MRNIP: variants seen among roughly 807,000 people sequenced by gnomAD.
MRNIP encodes MRN complex-interacting protein.
In MRNIP, 30 loss-of-function variants were observed where a neutral mutation model predicts 29.8. The observed-to-expected ratio is 1.01, with a 90% CI of 0.75 to 1.36. The LOEUF (loss-of-function observed/expected upper bound fraction) is 1.36, where lower values mean the gene tolerates loss of function less well. Among genes scored for constraint, MRNIP ranks in the 40% most tolerant of loss-of-function variants. The pLI is 0.00. For synonymous variants in MRNIP, 201 were observed against 164.1 expected (o/e 1.23, Z -1.72); for missense variants, 459 against 423.5 (o/e 1.08, Z -0.74).
At position 179,844,147 on chromosome 5, in the gene MRNIP, C is replaced by T; in HGVS notation, c.291+5G>A. 6.2e-7 allele frequency: 1 copy of T among 1,613,920 alleles called. No individual in the cohort carries two copies. Among genetic ancestry groups the T allele is most frequent in the Non-Finnish European group, 8.5e-7 (1 of 1,179,828 alleles). On this transcript the variant is annotated splice_donor_5th_base_variant and intron_variant, in intron 4 of 6. Transcript: ENST00000292586. ...CAGCCTGGGGCAGGTGGGCCTGAGG[C>T]TTACCTGCTGCTTCACATTCCCAGC...
In MRNIP at chr5:179,837,580, G is replaced by T; in HGVS notation, c.843C>A (p.Ala281=). 1 of 1,614,164 alleles carries T rather than the reference G, an allele frequency of 6.2e-7. No homozygotes were observed. The highest frequency in any genetic ancestry group is 2.2e-5 in the East Asian group (1 of 44,896). Reference sequence around the variant, plus strand: ...GTGTGGCCCGAGGAAGCTGGACAGCGGCAGTGGGCCTGCTGAGGCCTTCTC... The same window carrying T: ...GTGTGGCCCGAGGAAGCTGGACAGCTGCAGTGGGCCTGCTGAGGCCTTCTC... The part of the protein sequence containing the change: ...ASREGLSRPT[A]AVQLPRATHP... The change falls in exon 7 of 7, where the codon GCC becomes GCA. Residue 281 remains alanine (A), a synonymous_variant. Transcript: ENST00000292586.
chr5:179,848,894 A>G (rs986634033), intron 2 of MRNIP, among the ~76,000 whole-genome samples: 30 of 152,210 alleles, frequency 2.0e-4, no homozygotes, highest in Non-Finnish European at 3.8e-4. Context: ...TTTTGGAGGA[A>G]CAGCAAAGAG....
intron 2 of MRNIP, among the ~76,000 whole-genome samples, chr5:179,852,126 C>CA (rs1213129249): frequency 2.6e-5 from 4 of 151,530 alleles, no homozygotes; most frequent in African/African-American, 9.7e-5. Context: ...ATTAAACATA[C>CA]AAAAAACAAA....
chr5:179,853,593 G>A (rs1286514154), intron 1 of MRNIP, among the ~76,000 whole-genome samples, 156 bp from the exon 2 acceptor site: 1 of 152,136 alleles, frequency 6.6e-6, no homozygotes, highest in Non-Finnish European at 1.5e-5. Context: ...CCAATATGGT[G>A]AAACCCAGTC....
chr5:179,837,423 TAA>T lies in MRNIP; in HGVS notation c.998_999del (p.Phe333TyrfsTer8). On this transcript the variant is annotated frameshift_variant, in exon 7 of 7. Coordinates refer to ENST00000292586, the MANE Select transcript of MRNIP (RefSeq NM_016175.4). LOFTEE classifies it high-confidence loss of function. The stretch of plus-strand genomic sequence containing the variant: ...TCATCATCGAAGTCTTCCCCAGTTA[TAA>T]AGAGGTCACATAGTCGTGTGGGTCG... Reference protein sequence around the residue: ...NPRPTRLCDLFITGEDFDDDV With the variant: ...NPRPTRLCDLXITGEDFDDDV 2 of 1,603,816 alleles carry T rather than the reference TAA, an allele frequency of 1.2e-6. No individual in the cohort carries two copies. The highest frequency in any genetic ancestry group is 1.1e-5 in the South Asian group (1 of 90,144).
intron 6 of MRNIP, chr5:179,839,506 T>C (rs940067833): frequency 1.3e-5 from 2 of 152,264 alleles, no homozygotes; most frequent in African/African-American, 4.8e-5. Context: ...CATTACAACA[T>C]GCAGCCCAGG....
chr5:179,849,165 T>C (rs1398850440), intron 2 of MRNIP, among the ~76,000 whole-genome samples: 47 of 74,140 alleles, frequency 6.3e-4, no homozygotes, highest in Admixed American at 1.2e-3. Context: ...AATTTGAGAG[T>C]ACGGGTCCTG....
intron 3 of MRNIP, chr5:179,847,186 T>C (rs983690915): frequency 2.2e-5 from 3 of 138,574 alleles, no homozygotes; most frequent in South Asian, 4.4e-4. Context: ...TTTTTTTTTT[T>C]TGAGATAGTC....
chr5:179,850,583 G>A (rs1482901842), intron 2 of MRNIP, among the ~76,000 whole-genome samples: 1 of 152,158 alleles, frequency 6.6e-6, no homozygotes, highest in Non-Finnish European at 1.5e-5. Flanking sequence ...CACTGCTGAC[G>A]CTGACAGAAG....
chr5:179,843,797 T>C (rs1759013380), intron 4 of MRNIP, among the ~76,000 whole-genome samples: 1 of 151,990 alleles, frequency 6.6e-6, no homozygotes, highest in Non-Finnish European at 1.5e-5. Context: ...CAAGGAAAGA[T>C]GGAAACCCAG....
Position 179,853,378 on chromosome 5 carries a change from C to A in MRNIP, c.126G>T (p.Gln42His). Reference sequence around the variant, plus strand: ...TTGCTTTCTGTTTTGTAGGACTCACCTGCAAAAAGGACTGCTTCTCTCCAC... The same window carrying A: ...TTGCTTTCTGTTTTGTAGGACTCACATGCAAAAAGGACTGCTTCTCTCCAC... ...KACGEKQSFL[Q>H]AYGEGSGADC... Residue 42 changes from glutamine (Q) to histidine (H), a missense_variant and splice_region_variant, in exon 2 of 7, where the codon CAG (glutamine) becomes CAT (histidine). Coordinates refer to ENST00000292586, the MANE Select transcript of MRNIP (RefSeq NM_016175.4). 1 of 1,613,110 alleles carries A rather than the reference C, an allele frequency of 6.2e-7. No individual in the cohort carries two copies. The highest frequency in any genetic ancestry group is 8.5e-7 in the Non-Finnish European group (1 of 1,179,598).
At chr5:179,840,119 T>A (rs1366623582) in intron 6 of MRNIP, 2 of 152,240 alleles carry the variant, frequency 1.3e-5, no homozygotes, top group Non-Finnish European at 2.9e-5. Flanking sequence ...TAATTATTTT[T>A]AGTAGAGATG....
At chr5:179,848,403 A>G (rs1218436082) in intron 2 of MRNIP, among the ~76,000 whole-genome samples, 2 of 152,276 alleles carry the variant, frequency 1.3e-5, no homozygotes, top group Non-Finnish European at 2.9e-5. Flanking sequence ...GCCATATTGT[A>G]TAACATACTG....
At chr5:179,842,660 A>C (rs1758936813) in intron 4 of MRNIP, among the ~76,000 whole-genome samples, 1 of 125,284 alleles carries the variant, frequency 8.0e-6, no homozygotes, top group Non-Finnish European at 1.6e-5. Context: ...AGATGGTGCC[A>C]TTACACTCCA....
chr5:179,837,749 G>A lies in MRNIP; in HGVS notation c.674C>T (p.Thr225Ile). ...GACAAATTGCGCCCATTTAGAGGATGTGGCTGTAACCTGCTGGATGGGACT... is the reference window on the plus strand; with the variant it reads ...GACAAATTGCGCCCATTTAGAGGATATGGCTGTAACCTGCTGGATGGGACT... ...LWSPIQQVTATSSKWAQFVLP... is the reference protein window; with the variant it reads ...LWSPIQQVTAISSKWAQFVLP... The change falls in exon 7 of 7, where the codon ACA (threonine) becomes ATA (isoleucine). Residue 225 changes from threonine (T) to isoleucine (I), a missense_variant. Coordinates refer to ENST00000292586, the MANE Select transcript of MRNIP (RefSeq NM_016175.4). The A allele has an allele frequency of 2.5e-6, 4 of 1,614,256 alleles. No individual in the cohort carries two copies. The highest frequency in any genetic ancestry group is 1.7e-6 in the Non-Finnish European group (2 of 1,180,042).
chr5:179,839,258 AAAAAAAAAAC>A lies in MRNIP; in HGVS notation c.538-1383_538-1374del, dbSNP rs960072197. 33 of 152,220 alleles carry A rather than the reference AAAAAAAAAAC, an allele frequency of 2.2e-4. 1 individual carries two copies. Among genetic ancestry groups the A allele is most frequent in the Admixed American group, 1.4e-3 (21 of 15,282 alleles). 9.4% of individuals were successfully genotyped at this position (152,220 alleles called of 1,614,324 possible). On this transcript the variant is annotated intron_variant, in intron 6 of 6. Transcript: ENST00000292586. ...AAGAGTGAAACTCCTACTCAAAAAA[AAAAAAAAAAC>A]AACAGTTGGGTTGTGCTGCTTACAA...
chr5:179,842,529 AC>A lies in MRNIP; in HGVS notation c.292-466del, dbSNP rs1276280369. ...CCCCGTCTCTACTAAAAAAAAAACA[AC>A]AACAAAAAAAAAACAAAAAATTAGC... On this transcript the variant is annotated intron_variant, in intron 4 of 6. Transcript: ENST00000292586. Among the ~76,000 whole-genome samples, 1,452 of 149,914 alleles carry A rather than the reference AC, an allele frequency of 9.7e-3. 26 individuals are homozygous for A. The highest frequency in any genetic ancestry group is 0.034 in the African/African-American group (1,384 of 40,618).
intron 1 of MRNIP, among the ~76,000 whole-genome samples, chr5:179,857,992 C>G (rs891583262): frequency 2.2e-5 from 3 of 133,652 alleles, no homozygotes; most frequent in Non-Finnish European, 3.1e-5. Flanking sequence ...GCCTGGGCAA[C>G]AAGAGCGAAA....
At position 179,840,967 on chromosome 5, in the gene MRNIP, G is replaced by T. The variant is rs764996802; in HGVS notation, c.450-8C>A. The T allele has an allele frequency of 2.5e-6, 4 of 1,590,554 alleles. No individual in the cohort carries two copies. Among genetic ancestry groups the T allele is most frequent in the Non-Finnish European group, 3.4e-6 (4 of 1,167,144 alleles). The stretch of plus-strand genomic sequence containing the variant: ...GTGCTCCTGCTCCACTTCCTGTCAG[G>T]ACAGGACCGTCAGTAGTCCCGTGCT... On this transcript the variant is annotated splice_region_variant and splice_polypyrimidine_tract_variant and intron_variant, in intron 5 of 6. Coordinates refer to ENST00000292586, the MANE Select transcript of MRNIP (RefSeq NM_016175.4).
Sources: allele counts gnomAD v4.1 joint callset (sites outside exome capture counted in the v4.1 genomes callset), GRCh38; gene constraint gnomAD v4.1.1; transcripts MANE v1.5; gene names NCBI Gene and HGNC (gene_info 2026-07-23, HGNC 2026-07-21).